DPYD: variants seen among roughly 807,000 people sequenced by gnomAD.
DPYD encodes the protein dihydropyrimidine dehydrogenase, also known as dihydropyrimidine dehydrogenase [NADP(+)].
In DPYD, 109 loss-of-function variants were observed where a neutral mutation model predicts 116.2. That is an observed-to-expected ratio of 0.94 (90% CI 0.80 to 1.10). The LOEUF (loss-of-function observed/expected upper bound fraction) is 1.10, where lower values mean the gene tolerates loss of function less well. Among genes scored for constraint, DPYD ranks in the 50% least tolerant of loss-of-function variants. DPYD has a pLI of 0.00. For synonymous variants in DPYD, 440 were observed against 432.0 expected (o/e 1.02, Z -0.23); for missense variants, 1,302 against 1,254.5 (o/e 1.04, Z -0.57).
intron 18 of DPYD, among the ~76,000 whole-genome samples, chr1:97,248,704 T>A (rs1157531687): frequency 6.6e-6 from 1 of 152,176 alleles, no homozygotes; most frequent in Non-Finnish European, 1.5e-5. Flanking sequence ...CTATCCTCAA[T>A]CTGACAAAGA....
chr1:97,685,575 C>T (rs1294753606), intron 7 of DPYD, among the ~76,000 whole-genome samples: 1 of 152,092 alleles, frequency 6.6e-6, no homozygotes, highest in African/African-American at 2.4e-5. Context: ...ATGACATGAT[C>T]CCATATCTAG....
chr1:97,278,611 C>T (rs768806896), intron 18 of DPYD, among the ~76,000 whole-genome samples: 5 of 152,138 alleles, frequency 3.3e-5, no homozygotes, highest in Non-Finnish European at 4.4e-5. Flanking sequence ...TGTTGCTCCC[C>T]TCTAAAAGTT....
intron 2 of DPYD, among the ~76,000 whole-genome samples, chr1:97,833,932 C>T (rs1219930317): frequency 1.3e-5 from 2 of 151,972 alleles, no homozygotes; most frequent in Non-Finnish European, 2.9e-5. Flanking sequence ...TAAAAAATTA[C>T]ATTTTCACAA....
chr1:97,102,396 C>CATACAT, intron 20 of DPYD, among the ~76,000 whole-genome samples: 1 of 97,286 alleles, frequency 1.0e-5, no homozygotes, highest in South Asian at 3.5e-4. Context: ...CACTCAGTAT[C>CATACAT]ATATATATAT....
chr1:97,385,932 G>A (rs763823134), intron 14 of DPYD, among the ~76,000 whole-genome samples: 14 of 152,138 alleles, frequency 9.2e-5, no homozygotes, highest in Non-Finnish European at 1.6e-4. Context: ...TGTTCACCCT[G>A]TAGGTTGCTG....
intron 10 of DPYD, among the ~76,000 whole-genome samples, chr1:97,588,006 A>T (rs1233035034): frequency 6.6e-6 from 1 of 152,082 alleles, no homozygotes; most frequent in Admixed American, 6.5e-5. Context: ...GAAAAAAATC[A>T]GGTAAAAGGC....
intron 21 of DPYD, among the ~76,000 whole-genome samples, chr1:97,089,912 G>C (rs182516859): frequency 6.6e-6 from 1 of 150,908 alleles, no homozygotes; most frequent in Non-Finnish European, 1.5e-5. Flanking sequence ...GGTTCTCAAG[G>C]ACTCTCTAGT....
At chr1:97,112,986 G>T (rs959270470) in intron 20 of DPYD, among the ~76,000 whole-genome samples, 6 of 152,008 alleles carry the variant, frequency 3.9e-5, no homozygotes, top group African/African-American at 1.4e-4. Flanking sequence ...AAATAAATTC[G>T]CAAACCCCAA....
chr1:97,843,115 C>T (rs1670117180), intron 2 of DPYD, among the ~76,000 whole-genome samples: 1 of 152,102 alleles, frequency 6.6e-6, no homozygotes, highest in Non-Finnish European at 1.5e-5. Context: ...ATCATCCTGA[C>T]TTCTCTTAAG....
intron 5 of DPYD, among the ~76,000 whole-genome samples, chr1:97,711,680 C>G (rs539449483): frequency 6.6e-6 from 1 of 151,836 alleles, no homozygotes; most frequent in Non-Finnish European, 1.5e-5. Flanking sequence ...TACAAATAAA[C>G]CTTACAAATT....
intron 16 of DPYD, among the ~76,000 whole-genome samples, chr1:97,335,093 C>T (rs1429568817): frequency 6.6e-6 from 1 of 152,124 alleles, no homozygotes; most frequent in African/African-American, 2.4e-5. Flanking sequence ...TCATGCTTTC[C>T]TTTGCAGCCT....
intron 14 of DPYD, among the ~76,000 whole-genome samples, chr1:97,435,614 AT>A (rs1675432740): frequency 6.6e-6 from 1 of 151,974 alleles, no homozygotes; most frequent in Admixed American, 6.6e-5. Flanking sequence ...AAAAATAACA[AT>A]TAAAAAAGAA....
intron 14 of DPYD, 88 bp from the exon 15 acceptor site, chr1:97,382,549 G>A: frequency 5.7e-6 from 4 of 701,308 alleles, no homozygotes; most frequent in East Asian, 3.2e-5. Flanking sequence ...AATTTATAAT[G>A]GTAAACTATA....
chr1:97,694,664 A>G (rs904180524), intron 6 of DPYD, among the ~76,000 whole-genome samples: 4 of 152,102 alleles, frequency 2.6e-5, no homozygotes, highest in Admixed American at 1.3e-4. Flanking sequence ...ATCATCACAC[A>G]CTATTCCCTT....
chr1:97,158,971 CTT>C (rs1434238368), intron 20 of DPYD, among the ~76,000 whole-genome samples: 1 of 152,176 alleles, frequency 6.6e-6, no homozygotes, highest in East Asian at 1.9e-4. Flanking sequence ...AATCGGGACT[CTT>C]AGGTGTGGAG....
At chr1:97,427,127 C>T (rs911609636) in intron 14 of DPYD, among the ~76,000 whole-genome samples, 1 of 151,986 alleles carries the variant, frequency 6.6e-6, no homozygotes, top group African/African-American at 2.4e-5. Context: ...CAACTACTAC[C>T]TCGGGATACT....
intron 2 of DPYD, among the ~76,000 whole-genome samples, chr1:97,831,246 C>T (rs1030435086): frequency 2.0e-5 from 3 of 152,204 alleles, no homozygotes; most frequent in Admixed American, 6.5e-5. Context: ...ATAAGTATTT[C>T]AAGCAACTAA....
chr1:97,747,811 T>A (rs1664641832), intron 3 of DPYD, among the ~76,000 whole-genome samples: 1 of 152,194 alleles, frequency 6.6e-6, no homozygotes. Flanking sequence ...CCATATTTAA[T>A]TTTTGACTTC....
chr1:97,575,033 G>A (rs193065365), intron 10 of DPYD, among the ~76,000 whole-genome samples: 2 of 152,294 alleles, frequency 1.3e-5, no homozygotes, highest in Non-Finnish European at 2.9e-5. Context: ...CAGAGCTAGT[G>A]CCATGCATCA....
Sources: gnomAD v4.1 joint callset for allele counts (sites outside exome capture counted in the v4.1 genomes callset) on GRCh38, gnomAD v4.1.1 for gene constraint, MANE v1.5 for transcripts, NCBI Gene and HGNC (gene_info 2026-07-23, HGNC 2026-07-21) for gene names.